Variants in ARHGAP12 observed in about 807,000 individuals in gnomAD.
The protein encoded by ARHGAP12 is rho GTPase-activating protein 12.
Under a neutral mutation model 108.6 loss-of-function variants are expected in ARHGAP12, and 64 were observed. The observed-to-expected ratio is 0.59, with a 90% CI of 0.48 to 0.73. The LOEUF is 0.73. ARHGAP12 is among the 30% of genes least tolerant of loss of function. The pLI is 0.00. For synonymous variants in ARHGAP12, 312 were observed against 337.2 expected, an observed-to-expected ratio of 0.93 and a Z score of 0.82; for missense variants, 940 against 1,005.9, an observed-to-expected ratio of 0.93 and a Z score of 0.89.
intron 6 of ARHGAP12, among the ~76,000 whole-genome samples, chr10:31,846,999 C>G (rs1320040199): frequency 7.0e-6 from 1 of 142,344 alleles, no homozygotes; most frequent in Non-Finnish European, 1.5e-5. Flanking sequence ...ATTCTCTTCT[C>G]TTTTACCTCC....
intron 3 of ARHGAP12, among the ~76,000 whole-genome samples, chr10:31,889,714 C>T (rs1428412055): frequency 1.4e-5 from 2 of 140,162 alleles, no homozygotes; most frequent in East Asian, 4.2e-4. Context: ...GCAACCTTTG[C>T]CTCCTGGGTT....
rs201424206 is a variant in ARHGAP12 at position 31,807,737 on chromosome 10, T to C, written c.2462A>G (p.Asn821Ser). The C allele has an allele frequency of 2.2e-5, 36 of 1,607,728 alleles. No individual in the cohort carries two copies. Among genetic ancestry groups the C allele is most frequent in the Middle Eastern group, 3.3e-4 (2 of 6,062 alleles). ...CTGGTACACAGTATGAACTGCTATA[T>C]TACCAGTCTCTTTTTCTGGTTTTAA... ...TLLKPEKETG[N>S]IAVHTVYQNQ... Residue 821 changes from asparagine to serine, a missense_variant, in exon 20 of 20, where the codon AAT (asparagine) becomes AGT (serine). Coordinates refer to ENST00000344936, the MANE Select transcript of ARHGAP12 (RefSeq NM_018287.7).
At position 31,816,641 on chromosome 10, in the gene ARHGAP12, G is replaced by A. The variant is rs77729662; in HGVS notation, c.1731+1147C>T. On this transcript the variant is annotated intron_variant, in intron 13 of 19. Transcript: ENST00000344936. ...TGAAAAGACAGATTGGGCCTACACC[G>A]CTGAATTTTAATGAATCACAGCAAG... Among the ~76,000 whole-genome samples, 1,057 of 152,270 alleles carry A rather than the reference G, an allele frequency of 6.9e-3. 7 individuals carry two copies. Among genetic ancestry groups the A allele is most frequent in the African/African-American group, 0.024 (1,016 of 41,538 alleles).
intron 3 of ARHGAP12, among the ~76,000 whole-genome samples, chr10:31,883,647 C>G (rs1291822705): frequency 6.6e-6 from 1 of 152,072 alleles, no homozygotes; most frequent in East Asian, 1.9e-4. Context: ...TCAAGGTTTT[C>G]ACAACTTGAA....
chr10:31,926,999 AATCT>A (rs1285011688), intron 1 of ARHGAP12, among the ~76,000 whole-genome samples: 1 of 152,240 alleles, frequency 6.6e-6, no homozygotes, highest in Admixed American at 6.5e-5. Flanking sequence ...TACGAACAGA[AATCT>A]ATCAACAAAT....
intron 3 of ARHGAP12, among the ~76,000 whole-genome samples, chr10:31,906,217 T>C (rs999846115): frequency 2.6e-5 from 4 of 152,298 alleles, no homozygotes; most frequent in African/African-American, 7.2e-5. Flanking sequence ...GAGACATCCC[T>C]AGCCTTCGGA....
intron 6 of ARHGAP12, among the ~76,000 whole-genome samples, chr10:31,847,777 G>C (rs1484287510): frequency 6.6e-6 from 1 of 152,124 alleles, no homozygotes; most frequent in African/African-American, 2.4e-5. Context: ...GCAGGGAGGG[G>C]GAGAGTGCTC....
intron 1 of ARHGAP12, among the ~76,000 whole-genome samples, chr10:31,923,822 T>C (rs184069357): frequency 5.1e-4 from 78 of 152,310 alleles, no homozygotes; most frequent in Middle Eastern, 6.8e-3. Flanking sequence ...AAGGAAATTT[T>C]TGATGGGTGA....
intron 9 of ARHGAP12, among the ~76,000 whole-genome samples, chr10:31,833,719 A>G (rs982877983): frequency 6.6e-6 from 1 of 152,218 alleles, no homozygotes; most frequent in Non-Finnish European, 1.5e-5. Flanking sequence ...CTGGGAGAGA[A>G]AGACATCAGA....
intron 3 of ARHGAP12, among the ~76,000 whole-genome samples, chr10:31,867,566 G>GT (rs979016481): frequency 1.3e-5 from 2 of 152,092 alleles, no homozygotes; most frequent in African/African-American, 4.8e-5. Context: ...CCAAAAATAT[G>GT]TTTTTTTAAC....
chr10:31,912,978 T>C (rs1839411326), intron 1 of ARHGAP12, among the ~76,000 whole-genome samples: 1 of 152,232 alleles, frequency 6.6e-6, no homozygotes, highest in South Asian at 2.1e-4. Flanking sequence ...AGGTCATCTC[T>C]TCATTCTGTT....
chr10:31,887,093 T>C (rs1838217572), intron 3 of ARHGAP12, among the ~76,000 whole-genome samples: 1 of 152,148 alleles, frequency 6.6e-6, no homozygotes, highest in African/African-American at 2.4e-5. Flanking sequence ...TTAAGATGTA[T>C]TTATTTTAAG....
chr10:31,859,386 T>C (rs868799920), intron 4 of ARHGAP12, among the ~76,000 whole-genome samples: 18 of 152,200 alleles, frequency 1.2e-4, no homozygotes, highest in Non-Finnish European at 2.4e-4. Context: ...TGCCTCACAA[T>C]TGTGAGAGAA....
At chr10:31,898,632 T>C (rs964865168) in intron 3 of ARHGAP12, among the ~76,000 whole-genome samples, 1 of 152,196 alleles carries the variant, frequency 6.6e-6, no homozygotes, top group African/African-American at 2.4e-5. Context: ...TCCCATAAGA[T>C]TATAATACTG....
intron 1 of ARHGAP12, among the ~76,000 whole-genome samples, chr10:31,920,978 G>A (rs1564437158): frequency 6.6e-6 from 1 of 152,188 alleles, no homozygotes. Flanking sequence ...TGAGTCAGGA[G>A]TCAAAAGACA....
intron 9 of ARHGAP12, among the ~76,000 whole-genome samples, chr10:31,835,943 T>C (rs944880334): frequency 6.6e-6 from 1 of 152,146 alleles, no homozygotes; most frequent in African/African-American, 2.4e-5. Context: ...ACACACGTTG[T>C]AAATATATTA....
chr10:31,840,095 AT>A (rs1292181665), intron 7 of ARHGAP12, among the ~76,000 whole-genome samples: 1 of 152,088 alleles, frequency 6.6e-6, no homozygotes, highest in Non-Finnish European at 1.5e-5. Flanking sequence ...TATGGTAAGT[AT>A]AAATACCCAG....
rs1457115525 is a variant in ARHGAP12 at position 31,908,666 on chromosome 10, C to T, written c.190G>A (p.Val64Met). Residue 64 changes from valine to methionine, a missense_variant, in exon 3 of 20, where the codon GTG (valine) becomes ATG (methionine). Coordinates refer to ENST00000344936, the MANE Select transcript of ARHGAP12 (RefSeq NM_018287.7). Reference sequence around the variant, plus strand: ...ACCTCCTTCACATACTGGGCTGGCACATAAAACGCTTTGGAGTTTTCATCT... The same window carrying T: ...ACCTCCTTCACATACTGGGCTGGCATATAAAACGCTTTGGAGTTTTCATCT... ...KPDENSKAFY[V>M]PAQYVKEVTR... The T allele has an allele frequency of 1.2e-6, 2 of 1,614,146 alleles. No individual in the cohort carries two copies. Among genetic ancestry groups the T allele is most frequent in the Admixed American group, 3.3e-5 (2 of 60,006 alleles).
intron 3 of ARHGAP12, among the ~76,000 whole-genome samples, chr10:31,887,127 G>A (rs1184898734): frequency 1.3e-5 from 2 of 152,142 alleles, no homozygotes; most frequent in East Asian, 1.9e-4. Flanking sequence ...TACTTGTGGA[G>A]GCTTGGCAAA....
Sources: gnomAD v4.1 joint callset for allele counts (sites outside exome capture counted in the v4.1 genomes callset) on GRCh38, gnomAD v4.1.1 for gene constraint, MANE v1.5 for transcripts, NCBI Gene and HGNC (gene_info 2026-07-23, HGNC 2026-07-21) for gene names.